Variants in ARIH2 observed in about 807,000 individuals in gnomAD.
The protein encoded by ARIH2 is ariadne RBR E3 ubiquitin protein ligase 2, also known as E3 ubiquitin-protein ligase ARIH2.
A neutral mutation model predicts 79.8 loss-of-function variants in ARIH2; 12 were observed. That is an observed-to-expected ratio of 0.15 (90% CI 0.10 to 0.24). The LOEUF (loss-of-function observed/expected upper bound fraction) is 0.24, where lower values mean the gene tolerates loss of function less well. ARIH2 is among the 10% of genes least tolerant of loss of function. The pLI, the probability that ARIH2 is intolerant of heterozygous loss-of-function variation, is 1.00. For synonymous variants in ARIH2, 224 were observed against 213.9 expected, an observed-to-expected ratio of 1.05 and a Z score of -0.41; for missense variants, 301 against 618.3, an observed-to-expected ratio of 0.49 and a Z score of 5.44.
chr3:48,934,718 A>G, intron 3 of ARIH2: 1 of 985,454 alleles, frequency 1.0e-6, no homozygotes, highest in Non-Finnish European at 1.2e-6. Flanking sequence ...AGAAATGTCC[A>G]GAGTGACATT....
rs749205332 is a variant in ARIH2, at chr3:48,982,931, C to T, written c.1362C>T (p.Ile454=). ...AGCAGGCTCAGCTGGAGGCTGAGAT[C>T]GAAAACCTCTCATGGAAAGTGGAGC... ...EYQQAQLEAE[I]ENLSWKVERA... is the part of the protein sequence containing the mutation. The change falls in exon 15 of 16, where the codon ATC becomes ATT. Residue 454 remains isoleucine, a synonymous_variant. Transcript: ENST00000356401. 2.4e-5 allele frequency: 39 copies of T among 1,614,046 alleles called. No individual in the cohort carries two copies. The highest frequency in any genetic ancestry group is 3.2e-5 in the Non-Finnish European group (38 of 1,180,040).
intron 3 of ARIH2, among the ~76,000 whole-genome samples, chr3:48,960,032 G>A (rs1276076721): frequency 1.3e-5 from 2 of 152,206 alleles, no homozygotes; most frequent in Non-Finnish European, 2.9e-5. Flanking sequence ...TAAGGACTCA[G>A]TCCAGTGAGC....
At chr3:48,959,934 T>C (rs1195842082) in intron 3 of ARIH2, among the ~76,000 whole-genome samples, 2 of 152,216 alleles carry the variant, frequency 1.3e-5, no homozygotes, top group Non-Finnish European at 2.9e-5. Context: ...AGGGATCATG[T>C]GGTGTTCACT....
At chr3:48,968,328 C>T (rs927540340) in intron 6 of ARIH2, 25 of 376,436 alleles carry the variant, frequency 6.6e-5, no homozygotes, top group Non-Finnish European at 1.2e-4. Flanking sequence ...CTGCCCCAGC[C>T]TCCCAAGTAG....
intron 3 of ARIH2, among the ~76,000 whole-genome samples, chr3:48,930,725 C>T (rs1362750334): frequency 6.6e-6 from 1 of 152,186 alleles, no homozygotes; most frequent in Non-Finnish European, 1.5e-5. Context: ...TTGCACATGT[C>T]TCTGAAAGTG....
Position 48,918,863 on chromosome 3 carries a change from C to G in ARIH2, c.-297C>G, listed in dbSNP as rs779539730. On this transcript the variant is annotated 5_prime_UTR_variant, in exon 1 of 16. Coordinates refer to ENST00000356401, the MANE Select transcript of ARIH2 (RefSeq NM_006321.4). ...TTCCGGAGCTGTGGGGACGACTCTT[C>G]TGGAGGAAGCAGCGCGGGCTTGACC... is the stretch of plus-strand genomic sequence containing the variant. The G allele has an allele frequency of 6.2e-7, 1 of 1,610,560 alleles. No individual in the cohort carries two copies. Among genetic ancestry groups the G allele is most frequent in the Non-Finnish European group, 8.5e-7 (1 of 1,179,602 alleles).
rs781280521 is a variant in ARIH2 at position 48,968,601 on chromosome 3, C to G, written c.606C>G (p.Pro202=). 51 of 1,611,742 alleles carry G rather than the reference C, an allele frequency of 3.2e-5. No homozygotes were observed. The South Asian group carries it at 4.9e-4, about 16-fold the overall frequency. ...AGGACTTTGTGTTTCCATTGCTTCC[C>G]AATGAAGAATTGAGAGAGAAATACA... ...TPEDFVFPLL[P]NEELREKYRR... is the part of the protein sequence containing the mutation. The change falls in exon 7 of 16, where the codon CCC becomes CCG. Residue 202 remains proline (P), a synonymous_variant. Transcript: ENST00000356401.
At chr3:48,933,297 T>G (rs2086641986) in intron 3 of ARIH2, among the ~76,000 whole-genome samples, 3 of 138,720 alleles carry the variant, frequency 2.2e-5, no homozygotes, top group African/African-American at 2.7e-5. Context: ...TGATCACAGG[T>G]GCGCACCACA....
chr3:48,923,240 A>G (rs2085072748), intron 2 of ARIH2, among the ~76,000 whole-genome samples: 1 of 152,002 alleles, frequency 6.6e-6, no homozygotes, highest in South Asian at 2.1e-4. Context: ...TCTATTAAAA[A>G]TACAAAAAAA....
rs141114748 is a variant in ARIH2, at chr3:48,971,814, C to T, written c.770+1110C>T. Among the ~76,000 whole-genome samples, 1,090 of 152,284 alleles carry T rather than the reference C, an allele frequency of 7.2e-3. 16 individuals are homozygous for T. Among genetic ancestry groups the T allele is most frequent in the South Asian group, 0.042 (201 of 4,824 alleles). ...CCAGGATCACAGCAGATTCAGAAGA[C>T]TCCTTGTAATTGTTCTTTATCCTTG... is the stretch of plus-strand genomic sequence containing the variant. On this transcript the variant is annotated intron_variant, in intron 8 of 15. Transcript: ENST00000356401.
chr3:48,924,123 A>C (rs1164526492), intron 2 of ARIH2, among the ~76,000 whole-genome samples: 10 of 152,020 alleles, frequency 6.6e-5, no homozygotes, highest in South Asian at 2.1e-4. Context: ...GAGTGATACT[A>C]TGTCTCAGTA....
chr3:48,936,825 C>T (rs753571548), intron 3 of ARIH2, among the ~76,000 whole-genome samples: 36 of 151,842 alleles, frequency 2.4e-4, no homozygotes, highest in Non-Finnish European at 2.2e-4. Context: ...GTCAGGAGAT[C>T]GAGACCATCT....
intron 2 of ARIH2, among the ~76,000 whole-genome samples, chr3:48,926,369 G>A (rs2085611234): frequency 1.3e-5 from 2 of 151,970 alleles, no homozygotes; most frequent in Non-Finnish European, 2.9e-5. Flanking sequence ...CTGGGTTCAA[G>A]CGTTTCTCCT....
chr3:48,946,263 T>C (rs902523633), intron 3 of ARIH2, among the ~76,000 whole-genome samples: 1 of 151,978 alleles, frequency 6.6e-6, no homozygotes, highest in African/African-American at 2.4e-5. Flanking sequence ...GTGACACATT[T>C]ACTATGTTAT....
At chr3:48,956,752 G>T (rs1360328514) in intron 3 of ARIH2, among the ~76,000 whole-genome samples, 1 of 151,836 alleles carries the variant, frequency 6.6e-6, no homozygotes, top group African/African-American at 2.4e-5. Flanking sequence ...AGGCTGGAGT[G>T]CAGTGGCACG....
At chr3:48,925,583 T>G (rs1401131373) in intron 2 of ARIH2, among the ~76,000 whole-genome samples, 3 of 152,094 alleles carry the variant, frequency 2.0e-5, no homozygotes, top group African/African-American at 4.8e-5. Context: ...TATGGTTGGT[T>G]GTTTTTTTTC....
intron 3 of ARIH2, among the ~76,000 whole-genome samples, chr3:48,930,172 T>A (rs1485766471): frequency 1.3e-5 from 2 of 152,204 alleles, no homozygotes; most frequent in Non-Finnish European, 2.9e-5. Flanking sequence ...TCTGGTGTTT[T>A]AAGTGATTCA....
Position 48,949,775 on chromosome 3 carries a change from A to T in ARIH2, c.256-11837A>T, listed in dbSNP as rs143645633. On this transcript the variant is annotated intron_variant, in intron 3 of 15. Coordinates refer to ENST00000356401, the MANE Select transcript of ARIH2 (RefSeq NM_006321.4). ...TACATAGTTTGAATTATTTTATCAGATGTATGATTTGCAGATATTTTCTCC... is the reference window on the plus strand; with the variant it reads ...TACATAGTTTGAATTATTTTATCAGTTGTATGATTTGCAGATATTTTCTCC... Among the ~76,000 whole-genome samples, 1,387 of 151,842 alleles carry T rather than the reference A, an allele frequency of 9.1e-3. 10 individuals carry two copies. Among genetic ancestry groups the T allele is most frequent in the Non-Finnish European group, 0.016 (1,085 of 67,944 alleles).
chr3:48,965,982 AC>A (rs1259348027), intron 5 of ARIH2, among the ~76,000 whole-genome samples: 2 of 151,706 alleles, frequency 1.3e-5, no homozygotes, highest in African/African-American at 4.8e-5. Context: ...AATCTAAGCC[AC>A]CTCTGACAAA....
Sources: allele counts gnomAD v4.1 joint callset (sites outside exome capture counted in the v4.1 genomes callset), GRCh38; gene constraint gnomAD v4.1.1; transcripts MANE v1.5; gene names NCBI Gene and HGNC (gene_info 2026-07-23, HGNC 2026-07-21).